SORL1: variants seen among roughly 807,000 people sequenced by gnomAD.
The protein encoded by SORL1 is sortilin-related receptor.
In SORL1, 127 loss-of-function variants were observed where a neutral mutation model predicts 273.7. The observed-to-expected ratio is 0.46, with a 90% CI of 0.40 to 0.54. The LOEUF (loss-of-function observed/expected upper bound fraction) is 0.54. Ranked by LOEUF, SORL1 falls within the 20% of genes least tolerant of loss-of-function variation. The pLI, the probability that SORL1 is intolerant of heterozygous loss-of-function variation, is 0.00. For synonymous variants in SORL1, 1,031 were observed against 1,067.4 expected (o/e 0.97, Z 0.66); for missense variants, 2,494 against 2,846.1 (o/e 0.88, Z 2.81).
At chr11:121,608,432 A>C in intron 38 of SORL1, 1 of 452,700 alleles carries the variant, frequency 2.2e-6, no homozygotes, top group Non-Finnish European at 3.9e-6. Context: ...TCCAAAGGCC[A>C]TCATGCGCAG....
chr11:121,506,564 G>A (rs749549356), intron 6 of SORL1, among the ~76,000 whole-genome samples: 6 of 152,198 alleles, frequency 3.9e-5, no homozygotes, highest in African/African-American at 1.4e-4. Flanking sequence ...CTGCCCCCAT[G>A]GTTCAGTTAC....
rs565129016 is a variant in SORL1, at chr11:121,567,142, A to G, written c.3223+29A>G. The stretch of plus-strand genomic sequence containing the variant: ...CTTCCCTTTTTCTTTTTTGCCTGTC[A>G]TCCTCCTTCCTTTGTTTCCTGCTCC... On this transcript the variant is annotated intron_variant, in intron 22 of 47. Coordinates refer to ENST00000260197, the MANE Select transcript of SORL1 (RefSeq NM_003105.6). 46 of 1,586,262 alleles carry G rather than the reference A, an allele frequency of 2.9e-5. 1 individual carries two copies. In the South Asian group the frequency reaches 4.6e-4, roughly 16 times the overall value.
rs946002386 is a variant in SORL1, at chr11:121,514,353, C to T, written c.1211+32C>T. The T allele has an allele frequency of 6.3e-6, 10 of 1,584,008 alleles. No individual in the cohort carries two copies. In the African/African-American group the frequency reaches 8.1e-5, roughly 13 times the overall value. On this transcript the variant is annotated intron_variant, in intron 8 of 47. Coordinates refer to ENST00000260197, the MANE Select transcript of SORL1 (RefSeq NM_003105.6). ...AGACTGTGAGTCCTTCTCCTGCCTT[C>T]TTAGGCCAACACAACCATTAGCTTC...
intron 12 of SORL1, among the ~76,000 whole-genome samples, chr11:121,537,459 C>T (rs543661852): frequency 4.3e-4 from 66 of 152,122 alleles, no homozygotes; most frequent in African/African-American, 1.1e-3. Flanking sequence ...GTGATTATAC[C>T]GCTCATAGAA....
At position 121,596,021 on chromosome 11, in the gene SORL1, G is replaced by T. The variant is rs752048206; in HGVS notation, c.4519+249G>T. Among the ~76,000 whole-genome samples, 5 of 152,316 alleles carry T rather than the reference G, an allele frequency of 3.3e-5. No homozygotes were observed. Among genetic ancestry groups the T allele is most frequent in the African/African-American group, 9.6e-5 (4 of 41,566 alleles). On this transcript the variant is annotated intron_variant, in intron 32 of 47. Coordinates refer to ENST00000260197, the MANE Select transcript of SORL1 (RefSeq NM_003105.6). This position sits in a 1 kb window ranked among gnomAD's most constrained non-coding sequence, Gnocchi z 4.3. ...AGCGTGTCCAATAAAAATACTTTCT[G>T]AATGACTAAGATAAATATTTTAAAT...
chr11:121,613,505 C>T (rs988918843), intron 40 of SORL1, among the ~76,000 whole-genome samples: 15 of 152,144 alleles, frequency 9.9e-5, no homozygotes, highest in Non-Finnish European at 2.2e-4. Flanking sequence ...CTTGTCATAG[C>T]CTTATAAAGT....
intron 5 of SORL1, among the ~76,000 whole-genome samples, chr11:121,493,703 T>C (rs935200313): frequency 6.6e-6 from 1 of 152,254 alleles, no homozygotes; most frequent in Admixed American, 6.5e-5. Context: ...TTTTCATTTG[T>C]TTTTAGACTT....
chr11:121,616,115 C>T (rs1863635715), intron 41 of SORL1, among the ~76,000 whole-genome samples: 2 of 152,300 alleles, frequency 1.3e-5, no homozygotes, highest in South Asian at 4.1e-4. Flanking sequence ...ATAAAGAACC[C>T]TTTCTTTCCA....
At chr11:121,557,207 C>A (rs1862600609) in intron 18 of SORL1, 107 bp from the exon 19 acceptor site, 1 of 818,518 alleles carries the variant, frequency 1.2e-6, no homozygotes, top group African/African-American at 1.7e-5. Context: ...AATAGGCAGG[C>A]ATGGAGGGGG....
chr11:121,559,896 C>T (rs1214541742), intron 21 of SORL1, among the ~76,000 whole-genome samples: 3 of 152,144 alleles, frequency 2.0e-5, no homozygotes, highest in African/African-American at 7.2e-5. Context: ...GTAATTACAC[C>T]CTCCTCCTGC....
chr11:121,607,621 A>T (rs1010176760), intron 37 of SORL1, among the ~76,000 whole-genome samples: 1 of 152,244 alleles, frequency 6.6e-6, no homozygotes, highest in East Asian at 1.9e-4. Flanking sequence ...CTGCAGGATG[A>T]TGCAGAGCTA....
At position 121,452,866 on chromosome 11, in the gene SORL1, T is replaced by C. The variant is rs1371491816; in HGVS notation, c.285+250T>C. 9.6e-6 allele frequency: 4 copies of C among 417,958 alleles called. No individual in the cohort carries two copies. Among genetic ancestry groups the C allele is most frequent in the Non-Finnish European group, 1.7e-5 (4 of 236,480 alleles). 25.9% of individuals were successfully genotyped at this position (417,958 alleles called of 1,614,324 possible). A position where few individuals can be genotyped will look rare whatever the true frequency, so the allele number is the denominator to read the frequency against. The stretch of plus-strand genomic sequence containing the variant: ...GTGCAGTGCGTATTACCCCAGGGTG[T>C]GTGCAGAGAGATGTAGTTTCCGGCA... On this transcript the variant is annotated intron_variant, in intron 1 of 47. Coordinates refer to ENST00000260197, the MANE Select transcript of SORL1 (RefSeq NM_003105.6). The surrounding 1 kb of genome is among the most constrained non-coding windows in gnomAD (Gnocchi z 5.3).
At chr11:121,586,511 G>C (rs986925285) in intron 27 of SORL1, among the ~76,000 whole-genome samples, 182 bp downstream of exon 27, 1 of 152,148 alleles carries the variant, frequency 6.6e-6, no homozygotes, top group Non-Finnish European at 1.5e-5. Flanking sequence ...ACAGGGTTTG[G>C]TTAAAGGAGA....
chr11:121,607,707 T>G (rs578181957), intron 37 of SORL1, among the ~76,000 whole-genome samples: 13 of 152,336 alleles, frequency 8.5e-5, no homozygotes, highest in African/African-American at 3.1e-4. Flanking sequence ...CAGAAAGAGA[T>G]AGATTTTGTG....
At chr11:121,500,937 C>T (rs949546956) in intron 6 of SORL1, among the ~76,000 whole-genome samples, 1 of 152,154 alleles carries the variant, frequency 6.6e-6, no homozygotes, top group Admixed American at 6.5e-5. Context: ...CAACCTTAAG[C>T]TAATTTGCTC....
At chr11:121,559,793 C>T (rs1161607659) in intron 21 of SORL1, 136 bp downstream of exon 21, 1 of 701,610 alleles carries the variant, frequency 1.4e-6, no homozygotes, top group East Asian at 2.8e-5. Context: ...TATTTAATTT[C>T]TTCCTAATGA....
In SORL1 at chr11:121,452,345, G is replaced by A. The variant is rs771534455; in HGVS notation, c.14G>A (p.Ser5Asn). 11 of 1,552,000 alleles carry A rather than the reference G, an allele frequency of 7.1e-6. No individual in the cohort carries two copies. The Admixed American group carries it at 2.1e-4, about 29-fold the overall frequency. Residue 5 changes from serine to asparagine, a missense_variant, in exon 1 of 48, where the codon AGC (serine) becomes AAC (asparagine). Around this residue, in one of 3 missense-constraint regions of SORL1, gnomAD observed 175 missense variants for 147.1 expected, o/e 1.19. Transcript: ENST00000260197. The surrounding 1 kb of genome is among the most constrained non-coding windows in gnomAD (Gnocchi z 5.3). MATRSSRRESRLPFL... is the reference protein window; with the variant it reads MATRNSRRESRLPFL... ...GTTCGCCCGAACATGGCGACACGGAGCAGCAGGAGGGAGTCGCGACTCCCG... is the reference window on the plus strand; with the variant it reads ...GTTCGCCCGAACATGGCGACACGGAACAGCAGGAGGGAGTCGCGACTCCCG...
chr11:121,538,056 C>T (rs139999243), intron 12 of SORL1, among the ~76,000 whole-genome samples: 2 of 152,268 alleles, frequency 1.3e-5, no homozygotes, highest in East Asian at 3.9e-4. Context: ...GGATCTGGCC[C>T]CAATAGCCTG....
At chr11:121,578,727 A>C (rs1230910542) in intron 25 of SORL1, among the ~76,000 whole-genome samples, 1 of 152,230 alleles carries the variant, frequency 6.6e-6, no homozygotes, top group Non-Finnish European at 1.5e-5. Context: ...AGATCTCTTC[A>C]AATGCCATAT....
Sources: allele counts gnomAD v4.1 joint callset (sites outside exome capture counted in the v4.1 genomes callset), GRCh38; gene constraint gnomAD v4.1.1; regional missense constraint gnomAD v4.1.1; non-coding constraint Gnocchi (gnomAD v3.1); transcripts MANE v1.5; gene names NCBI Gene and HGNC (gene_info 2026-07-23, HGNC 2026-07-21).